Variants in TBC1D19 observed in about 807,000 individuals in gnomAD.
The protein encoded by TBC1D19 is TBC1 domain family member 19, also known as TBC1 domain family, member 19.
TBC1D19 carries 60 observed loss-of-function variants against 89.0 expected under a neutral mutation model. That is an observed-to-expected ratio of 0.67 (90% CI 0.55 to 0.84). The LOEUF (loss-of-function observed/expected upper bound fraction) is 0.84, where lower values mean the gene tolerates loss of function less well. Ranked by LOEUF, TBC1D19 falls within the 40% of genes least tolerant of loss-of-function variation. TBC1D19 has a pLI of 0.00. For missense variants in TBC1D19, 500 were observed against 610.8 expected (o/e 0.82, Z 1.91); for synonymous variants, 189 against 199.7 (o/e 0.95, Z 0.45).
the TBC1D19 span, among the ~76,000 whole-genome samples, chr4:26,785,293 A>G: frequency 4.5e-3 from 679 of 152,340 alleles, 8 homozygotes; most frequent in African/African-American, 0.016. Flanking sequence ...TTTTCTTTTT[A>G]AAATTAAACT....
the TBC1D19 span, among the ~76,000 whole-genome samples, chr4:26,801,089 A>G: frequency 1.2e-3 from 178 of 152,326 alleles, 1 homozygote; most frequent in African/African-American, 4.1e-3. Flanking sequence ...GCCCATGCCT[A>G]TGTCCTGAAT....
In TBC1D19 at chr4:26,756,125, T is replaced by C; in HGVS notation, c.*1178T>C. On this transcript the variant is annotated 3_prime_UTR_variant, in exon 21 of 21. Coordinates refer to ENST00000264866, the MANE Select transcript of TBC1D19 (RefSeq NM_018317.4). ...TTATGAGTCTTTTATTTTGGCAGTA[T>C]GTATTAGGAAAAATGCTTGTTGATT... is the stretch of plus-strand genomic sequence containing the variant. 6.6e-6 allele frequency among the ~76,000 whole-genome samples: 1 copy of C among 152,350 alleles called. No homozygotes were observed. Among genetic ancestry groups the C allele is most frequent in the Non-Finnish European group, 1.5e-5 (1 of 68,020 alleles).
intron 8 of TBC1D19, among the ~76,000 whole-genome samples, chr4:26,660,514 T>C (rs761362429): frequency 1.3e-5 from 2 of 152,226 alleles, no homozygotes; most frequent in African/African-American, 2.4e-5. Context: ...TGCTTTATCA[T>C]GCTGGAGCCG....
chr4:26,839,915 G>A, the TBC1D19 span, among the ~76,000 whole-genome samples: 1 of 152,126 alleles, frequency 6.6e-6, no homozygotes, highest in Admixed American at 6.5e-5. Context: ...GTCCAACTGT[G>A]GGCATGTGTC....
chr4:26,579,133 CTG>C (rs372333767), upstream of TBC1D19, among the ~76,000 whole-genome samples: 20 of 152,354 alleles, frequency 1.3e-4, no homozygotes, highest in East Asian at 2.1e-3. Context: ...ACAACCAACT[CTG>C]TGTGAATGGT....
At chr4:26,768,000 G>T in the TBC1D19 span, among the ~76,000 whole-genome samples, 1 of 152,068 alleles carries the variant, frequency 6.6e-6, no homozygotes, top group Non-Finnish European at 1.5e-5. Context: ...GTTCCAGGAG[G>T]CCAAGACAGG....
rs141252982 is a variant in TBC1D19, at chr4:26,588,272, G to A, written c.99+3980G>A. ...GATCTCCTGACCTCGTGATCCGCCC[G>A]CCTTGGCCTCCTAAAGGGCTGGGAT... On this transcript the variant is annotated intron_variant, in intron 1 of 20. Transcript: ENST00000264866. 4.1e-3 allele frequency among the ~76,000 whole-genome samples: 628 copies of A among 152,068 alleles called. 1 individual carries two copies. The highest frequency in any genetic ancestry group is 0.033 in the South Asian group (158 of 4,814).
intron 1 of TBC1D19, among the ~76,000 whole-genome samples, chr4:26,602,904 A>T (rs1433189973): frequency 2.0e-5 from 3 of 152,256 alleles, no homozygotes; most frequent in Admixed American, 1.3e-4. Flanking sequence ...TGGAAAGTGC[A>T]CATAAGGCAC....
chr4:26,697,750 A>G (rs1313092168), intron 13 of TBC1D19, among the ~76,000 whole-genome samples: 1 of 152,246 alleles, frequency 6.6e-6, no homozygotes, highest in African/African-American at 2.4e-5. Context: ...AACAGAACCA[A>G]AGACAAAAAC....
At chr4:26,707,855 A>G (rs186856499) in intron 13 of TBC1D19, among the ~76,000 whole-genome samples, 285 of 152,102 alleles carry the variant, frequency 1.9e-3, no homozygotes, top group African/African-American at 6.5e-3. Context: ...CACCCCTTTC[A>G]CTTGATGATA....
At chr4:26,629,917 T>A (rs1742696396) in intron 4 of TBC1D19, among the ~76,000 whole-genome samples, 1 of 151,684 alleles carries the variant, frequency 6.6e-6, no homozygotes, top group South Asian at 2.1e-4. Flanking sequence ...TTAATATTGG[T>A]TGTTTTTGTT....
intron 1 of TBC1D19, chr4:26,576,819 G>A (rs1031206716): frequency 1.5e-5 from 7 of 456,122 alleles, no homozygotes; most frequent in Admixed American, 1.4e-4. Flanking sequence ...ACAAGGGCCA[G>A]GTATGACCAG....
At chr4:26,628,769 A>G (rs62409935) in intron 4 of TBC1D19, among the ~76,000 whole-genome samples, 14,483 of 151,944 alleles carry the variant, frequency 0.095, 879 homozygotes, top group Non-Finnish European at 0.13. Context: ...ATTGCTTCAA[A>G]GAGAATAAAA....
At chr4:26,823,624 T>C in the TBC1D19 span, among the ~76,000 whole-genome samples, 1 of 152,166 alleles carries the variant, frequency 6.6e-6, no homozygotes, top group Non-Finnish European at 1.5e-5. Context: ...AGTGGAGAGA[T>C]GATAAGAGCC....
chr4:26,784,233 T>C, the TBC1D19 span, among the ~76,000 whole-genome samples: 11 of 152,154 alleles, frequency 7.2e-5, no homozygotes, highest in African/African-American at 2.2e-4. Flanking sequence ...ACAAAGGCTA[T>C]GGTGACTGAC....
At chr4:26,817,979 A>AT in the TBC1D19 span, among the ~76,000 whole-genome samples, 312 of 107,342 alleles carry the variant, frequency 2.9e-3, 3 homozygotes, top group East Asian at 0.05. Context: ...AAAAAAAAAA[A>AT]AAATATATAT....
At chr4:26,583,598 A>G (rs541591374), upstream of TBC1D19, among the ~76,000 whole-genome samples, 3 of 152,330 alleles carry the variant, frequency 2.0e-5, no homozygotes, top group Admixed American at 2.0e-4. Flanking sequence ...AATAGAAACG[A>G]GAGAAAATGA....
chr4:26,652,710 C>A (rs1278672102), intron 7 of TBC1D19, among the ~76,000 whole-genome samples: 2 of 152,030 alleles, frequency 1.3e-5, no homozygotes, highest in Non-Finnish European at 2.9e-5. Context: ...GATCAGTGGT[C>A]ATATCCCCTT....
At chr4:26,765,457 A>T in the TBC1D19 span, among the ~76,000 whole-genome samples, 1 of 139,900 alleles carries the variant, frequency 7.1e-6, no homozygotes, top group Non-Finnish European at 1.5e-5. Context: ...GTAGGGGGGG[A>T]TGGTTTATTA....
Sources: gnomAD v4.1 joint callset for allele counts (sites outside exome capture counted in the v4.1 genomes callset) on GRCh38, gnomAD v4.1.1 for gene constraint, MANE v1.5 for transcripts, NCBI Gene and HGNC (gene_info 2026-07-23, HGNC 2026-07-21) for gene names.